The following WNT3 variants were observed in gnomAD, a reference collection of about 807,000 sequenced individuals.
WNT3 encodes the protein proto-oncogene Wnt-3.
Under a neutral mutation model 34.2 loss-of-function variants are expected in WNT3, and 7 were observed. The ratio of observed to expected loss-of-function variants is 0.20; its 90% confidence interval spans 0.12 to 0.38. The LOEUF (loss-of-function observed/expected upper bound fraction) is 0.38, where lower values mean the gene tolerates loss of function less well. Among genes scored for constraint, WNT3 ranks in the 10% least tolerant of loss-of-function variants. The probability of loss-of-function intolerance (pLI) is 1.00; values close to 1 mark genes in which losing one functional copy is unlikely to be tolerated. For synonymous variants in WNT3, 212 were observed against 211.5 expected (o/e 1.00, Z -0.02); for missense variants, 267 against 499.8 (o/e 0.53, Z 4.44).
At chr17:46,803,653 T>C (rs2084155404) in intron 1 of WNT3, among the ~76,000 whole-genome samples, 2 of 152,360 alleles carry the variant, frequency 1.3e-5, no homozygotes, top group Middle Eastern at 3.4e-3. Flanking sequence ...ATGGGAGATC[T>C]AGCCCCAGGC....
chr17:46,782,621 C>G (rs1287381617), intron 1 of WNT3, among the ~76,000 whole-genome samples: 1 of 152,260 alleles, frequency 6.6e-6, no homozygotes, highest in African/African-American at 2.4e-5. Flanking sequence ...GATGTCAGGA[C>G]AGGAAGCCTA....
chr17:46,769,118 A>G (rs1598753879), intron 3 of WNT3, among the ~76,000 whole-genome samples: 1 of 152,130 alleles, frequency 6.6e-6, no homozygotes, highest in Admixed American at 6.5e-5. Flanking sequence ...GGAGTTTGAG[A>G]CCAGCCTGGC....
chr17:46,784,967 C>T (rs750136905), intron 1 of WNT3, among the ~76,000 whole-genome samples: 46 of 152,066 alleles, frequency 3.0e-4, no homozygotes, highest in South Asian at 6.2e-4. Context: ...TTAGTAGAGA[C>T]GGGGTTTCAC....
chr17:46,777,221 A>G (rs199517), intron 1 of WNT3, among the ~76,000 whole-genome samples: 95,035 of 151,828 alleles, frequency 0.63, 32,321 homozygotes, highest in South Asian at 0.82. Context: ...AAAAAAAAAA[A>G]GAAAAAGAAA....
intron 3 of WNT3, 125 bp downstream of exon 3, chr17:46,769,658 C>G (rs2059346096): frequency 1.5e-6 from 2 of 1,350,818 alleles, no homozygotes; most frequent in South Asian, 2.5e-5. Flanking sequence ...CCAAGCCTGG[C>G]CAAGGGGAAA....
chr17:46,816,119 A>ACACACACACACACACACGCACG (rs71138553), intron 1 of WNT3, among the ~76,000 whole-genome samples: 25 of 150,666 alleles, frequency 1.7e-4, no homozygotes, highest in East Asian at 8.0e-4. Flanking sequence ...ACGTACACAC[A>ACACACACACACACACACGCACG]CACACACACA....
In WNT3 at chr17:46,774,360, G is replaced by A. The variant is rs75320660; in HGVS notation, c.81-451C>T. Among the ~76,000 whole-genome samples the A allele has an allele frequency of 2.1e-3, 319 of 152,294 alleles. 2 individuals are homozygous for A. The highest frequency in any genetic ancestry group is 6.4e-3 in the African/African-American group (267 of 41,562). On this transcript the variant is annotated intron_variant, in intron 1 of 4. Coordinates refer to ENST00000225512, the MANE Select transcript of WNT3 (RefSeq NM_030753.5). ...AGTGACTCATGGGACACGCGCGCGC[G>A]CGCACACACACACACTACCCTTGGC...
intron 1 of WNT3, among the ~76,000 whole-genome samples, chr17:46,813,300 C>T (rs1568098819): frequency 6.6e-6 from 1 of 151,670 alleles, no homozygotes; most frequent in South Asian, 2.1e-4. Context: ...GAGGCAGGGA[C>T]TTGAATGAAG....
intron 1 of WNT3, among the ~76,000 whole-genome samples, chr17:46,796,023 T>C (rs902965296): frequency 6.6e-6 from 1 of 151,984 alleles, no homozygotes; most frequent in Non-Finnish European, 1.5e-5. Flanking sequence ...GGCAGGGTAA[T>C]TATCAGTAAA....
intron 1 of WNT3, among the ~76,000 whole-genome samples, chr17:46,812,394 C>T (rs1320266750): frequency 1.3e-5 from 2 of 152,168 alleles, no homozygotes; most frequent in African/African-American, 4.8e-5. Flanking sequence ...AGCTTTCTGC[C>T]TTCCGACTAT....
intron 1 of WNT3, among the ~76,000 whole-genome samples, chr17:46,782,484 C>T (rs1238620907): frequency 6.6e-6 from 1 of 152,186 alleles, no homozygotes; most frequent in African/African-American, 2.4e-5. Flanking sequence ...GCTCCACCCT[C>T]CACGGAAACT....
At chr17:46,792,201 C>T (rs10432043) in intron 1 of WNT3, among the ~76,000 whole-genome samples, 50,331 of 152,114 alleles carry the variant, frequency 0.33, 8,873 homozygotes, top group East Asian at 0.59. Context: ...CAGGAATCAC[C>T]CTGGCCTAAG....
At chr17:46,771,255 G>A (rs2059366055) in intron 2 of WNT3, among the ~76,000 whole-genome samples, 2 of 152,140 alleles carry the variant, frequency 1.3e-5, no homozygotes, top group East Asian at 1.9e-4. Context: ...GCCGACCGAG[G>A]ACGGCGGCAA....
chr17:46,783,719 G>C (rs2059480673), intron 1 of WNT3, among the ~76,000 whole-genome samples: 1 of 152,224 alleles, frequency 6.6e-6, no homozygotes, highest in Non-Finnish European at 1.5e-5. Context: ...CAGCTACCGA[G>C]CTGGAGAAGG....
Position 46,769,912 on chromosome 17 carries a change from C to A in WNT3, c.459G>T (p.Trp153Cys), listed in dbSNP as rs1452528986. Residue 153 changes from tryptophan (W) to cysteine (C), a missense_variant, in exon 3 of 5, where the codon TGG becomes TGT. Trp to Cys is a radical substitution (Grantham distance 215). Coordinates refer to ENST00000225512, the MANE Select transcript of WNT3 (RefSeq NM_030753.5). ...SHHKGPPGEG[W>C]KWGGCSEDAD... Reference sequence around the variant, plus strand: ...CGTCCTCGCTGCAGCCGCCCCACTTCCAGCCTTCGCCAGGCGGCCCCTTAT... The same window carrying A: ...CGTCCTCGCTGCAGCCGCCCCACTTACAGCCTTCGCCAGGCGGCCCCTTAT... 1 of 1,613,444 alleles carries A rather than the reference C, an allele frequency of 6.2e-7. No individual in the cohort carries two copies. Among genetic ancestry groups the A allele is most frequent in the Non-Finnish European group, 8.5e-7 (1 of 1,179,906 alleles).
intron 1 of WNT3, among the ~76,000 whole-genome samples, chr17:46,789,519 AG>A (rs938522506): frequency 6.6e-6 from 1 of 152,238 alleles, no homozygotes; most frequent in African/African-American, 2.4e-5. Flanking sequence ...TGCAGCAGGA[AG>A]GCCCCAACCT....
chr17:46,816,475 G>GCA (rs113581876), intron 1 of WNT3, among the ~76,000 whole-genome samples: 17,997 of 143,956 alleles, frequency 0.13, 1,289 homozygotes, highest in Non-Finnish European at 0.18. Flanking sequence ...CAGAACACAC[G>GCA]CACACACACA....
chr17:46,792,001 C>G lies in WNT3; in HGVS notation c.81-18092G>C, dbSNP rs1316533392. On this transcript the variant is annotated intron_variant, in intron 1 of 4. Coordinates refer to ENST00000225512, the MANE Select transcript of WNT3 (RefSeq NM_030753.5). ...GCTGTAGTAAGCTGTGATTGCACCACTGCACTCCAGCCTGGGCAACAGAGT... is the reference window on the plus strand; with the variant it reads ...GCTGTAGTAAGCTGTGATTGCACCAGTGCACTCCAGCCTGGGCAACAGAGT... Among the ~76,000 whole-genome samples, 4 of 152,286 alleles carry G rather than the reference C, an allele frequency of 2.6e-5. No individual in the cohort carries two copies. The East Asian group carries it at 7.7e-4, about 29-fold the overall frequency.
At chr17:46,790,421 C>T (rs942128057) in intron 1 of WNT3, among the ~76,000 whole-genome samples, 3 of 152,082 alleles carry the variant, frequency 2.0e-5, no homozygotes, top group African/African-American at 7.2e-5. Flanking sequence ...TTTAAGTGGT[C>T]TAGGTGCTCC....
Sources: gnomAD v4.1 joint callset for allele counts (sites outside exome capture counted in the v4.1 genomes callset) on GRCh38, gnomAD v4.1.1 for gene constraint, MANE v1.5 for transcripts, NCBI Gene and HGNC (gene_info 2026-07-23, HGNC 2026-07-21) for gene names.